The following THSD7A variants were observed in gnomAD, a reference collection of about 807,000 sequenced individuals.
The protein encoded by THSD7A is thrombospondin type-1 domain-containing protein 7A.
THSD7A carries 96 observed loss-of-function variants against 231.3 expected under a neutral mutation model. That is an observed-to-expected ratio of 0.41 (90% CI 0.35 to 0.49). The LOEUF is 0.49. Among genes scored for constraint, THSD7A ranks in the 20% least tolerant of loss-of-function variants. The probability of loss-of-function intolerance (pLI) is 0.05; values close to 1 mark genes in which losing one functional copy is unlikely to be tolerated. For synonymous variants in THSD7A, 940 were observed against 743.3 expected (o/e 1.26, Z -4.30); for missense variants, 2,290 against 2,070.2 (o/e 1.11, Z -2.06).
chr7:11,576,697 T>G (rs182650189), intron 4 of THSD7A, among the ~76,000 whole-genome samples: 230 of 152,342 alleles, frequency 1.5e-3, no homozygotes, highest in Middle Eastern at 3.4e-3. Flanking sequence ...CTGGTTCAAA[T>G]AACTGTGAAC....
chr7:11,690,904 T>C (rs941626019), intron 1 of THSD7A, among the ~76,000 whole-genome samples: 1 of 151,686 alleles, frequency 6.6e-6, no homozygotes, highest in Non-Finnish European at 1.5e-5. Context: ...CCAAAGTACA[T>C]AGGTGTTAAT....
In THSD7A at chr7:11,426,546, T is replaced by C. The variant is rs553743221; in HGVS notation, c.3249+120A>G. On this transcript the variant is annotated intron_variant, in intron 15 of 27. Coordinates refer to ENST00000423059, the MANE Select transcript of THSD7A (RefSeq NM_015204.3). Reference sequence around the variant, plus strand: ...GAAAAAAATTCTTTAATGGAAAATATGACATTTTCTCCCTGTAAAACATAA... The same window carrying C: ...GAAAAAAATTCTTTAATGGAAAATACGACATTTTCTCCCTGTAAAACATAA... The C allele has an allele frequency of 4.5e-6, 5 of 1,102,168 alleles. No individual in the cohort carries two copies. The East Asian group carries it at 8.0e-5, about 18-fold the overall frequency. The allele number at this position is 1,102,168 out of a possible 1,614,324, so 68.3% of individuals were successfully genotyped here. A position where few individuals can be genotyped will look rare whatever the true frequency, so the allele number is the denominator to read the frequency against.
intron 1 of THSD7A, among the ~76,000 whole-genome samples, chr7:11,704,049 A>G (rs1780686772): frequency 6.6e-6 from 1 of 151,246 alleles, no homozygotes; most frequent in African/African-American, 2.4e-5. Flanking sequence ...ACCAATCTTT[A>G]TACTAATGCT....
At chr7:11,438,739 C>T (rs1451092106) in intron 13 of THSD7A, among the ~76,000 whole-genome samples, 1 of 152,046 alleles carries the variant, frequency 6.6e-6, no homozygotes, top group East Asian at 1.9e-4. Flanking sequence ...GTATGATGTC[C>T]ACATGGCAGT....
At chr7:11,664,056 T>G (rs116628106) in intron 1 of THSD7A, among the ~76,000 whole-genome samples, 2,192 of 151,848 alleles carry the variant, frequency 0.014, 56 homozygotes, top group African/African-American at 0.049. Flanking sequence ...TGAGTAACAT[T>G]AAGTCTAGAA....
intron 1 of THSD7A, among the ~76,000 whole-genome samples, chr7:11,827,528 C>T (rs1166858843): frequency 6.6e-6 from 1 of 152,054 alleles, no homozygotes; most frequent in African/African-American, 2.4e-5. Context: ...TTGCCTTGTA[C>T]CTTTTCTGGC....
At chr7:11,399,462 A>ATTTT (rs1554300359) in intron 23 of THSD7A, among the ~76,000 whole-genome samples, 1 of 150,622 alleles carries the variant, frequency 6.6e-6, no homozygotes, top group African/African-American at 2.5e-5. Flanking sequence ...TTTGTTGATT[A>ATTTT]TTTTCTGTCT....
chr7:11,481,448 G>A (rs1180349457), intron 7 of THSD7A, among the ~76,000 whole-genome samples: 1 of 152,060 alleles, frequency 6.6e-6, no homozygotes, highest in East Asian at 1.9e-4. Flanking sequence ...CTGAAATTCA[G>A]AAAAAAACAA....
At chr7:11,521,418 C>T (rs945395424) in intron 6 of THSD7A, among the ~76,000 whole-genome samples, 6 of 151,494 alleles carry the variant, frequency 4.0e-5, no homozygotes, top group African/African-American at 1.5e-4. Context: ...TCTCTAGAGA[C>T]ACTGAAGTCA....
At chr7:11,434,523 C>CT (rs1784572033) in intron 13 of THSD7A, among the ~76,000 whole-genome samples, 1 of 152,044 alleles carries the variant, frequency 6.6e-6, no homozygotes, top group Non-Finnish European at 1.5e-5. Flanking sequence ...GAAAGGAATA[C>CT]TGTTGATGGA....
intron 1 of THSD7A, among the ~76,000 whole-genome samples, chr7:11,735,336 C>A (rs889462070): frequency 6.6e-6 from 1 of 151,714 alleles, no homozygotes; most frequent in Non-Finnish European, 1.5e-5. Context: ...TACAAAAAAT[C>A]CAAAATCTGA....
intron 1 of THSD7A, among the ~76,000 whole-genome samples, chr7:11,652,087 T>C (rs1782527831): frequency 6.6e-6 from 1 of 151,994 alleles, no homozygotes; most frequent in Admixed American, 6.6e-5. Flanking sequence ...TTAACAAATG[T>C]GTCCATGGCT....
intron 1 of THSD7A, among the ~76,000 whole-genome samples, chr7:11,642,420 CT>C (rs1177404836): frequency 6.6e-6 from 1 of 152,082 alleles, no homozygotes; most frequent in African/African-American, 2.4e-5. Context: ...TAATATCCCC[CT>C]GTGAATGAAA....
intron 8 of THSD7A, among the ~76,000 whole-genome samples, chr7:11,471,499 T>C (rs1386724353): frequency 6.6e-6 from 1 of 152,042 alleles, no homozygotes; most frequent in Non-Finnish European, 1.5e-5. Flanking sequence ...TAAGTATTTA[T>C]GTAAATTTTC....
At chr7:11,393,483 A>G (rs1320844983) in intron 23 of THSD7A, among the ~76,000 whole-genome samples, 2 of 152,236 alleles carry the variant, frequency 1.3e-5, no homozygotes, top group South Asian at 2.1e-4. Flanking sequence ...CTTCGCCAGC[A>G]GGGGAACAAA....
intron 1 of THSD7A, among the ~76,000 whole-genome samples, chr7:11,713,956 G>A (rs1292907848): frequency 6.6e-6 from 1 of 151,096 alleles, no homozygotes; most frequent in Non-Finnish European, 1.5e-5. Context: ...AAATATATTA[G>A]AATAGAAAGG....
chr7:11,496,277 G>A (rs1269184108), intron 6 of THSD7A, among the ~76,000 whole-genome samples: 3 of 152,116 alleles, frequency 2.0e-5, no homozygotes, highest in African/African-American at 4.8e-5. Context: ...GTTGATTAAT[G>A]TCCCCAACTT....
chr7:11,627,411 G>A (rs1052954231), intron 2 of THSD7A, among the ~76,000 whole-genome samples: 10 of 151,572 alleles, frequency 6.6e-5, no homozygotes, highest in Non-Finnish European at 2.9e-5. Flanking sequence ...CATACAAAAT[G>A]TATACATATA....
chr7:11,823,771 A>G (rs549598123), intron 1 of THSD7A, among the ~76,000 whole-genome samples: 1 of 152,166 alleles, frequency 6.6e-6, no homozygotes, highest in East Asian at 1.9e-4. Context: ...ATTGGTATAT[A>G]TGAATGCTTT....
Sources: gnomAD v4.1 joint callset for allele counts (sites outside exome capture counted in the v4.1 genomes callset) on GRCh38, gnomAD v4.1.1 for gene constraint, MANE v1.5 for transcripts, NCBI Gene and HGNC (gene_info 2026-07-23, HGNC 2026-07-21) for gene names.